HECA: variants seen among roughly 807,000 people sequenced by gnomAD.
HECA encodes the protein HECA ribonucleoprotein granule regulator, also known as headcase protein homolog.
In HECA, 13 loss-of-function variants were observed where a neutral mutation model predicts 37.6. The observed-to-expected ratio is 0.35, with a 90% CI of 0.23 to 0.55. The LOEUF (loss-of-function observed/expected upper bound fraction) is 0.55. Among genes scored for constraint, HECA ranks in the 20% least tolerant of loss-of-function variants. The probability of loss-of-function intolerance (pLI) is 0.90; values close to 1 mark genes in which losing one functional copy is unlikely to be tolerated. For synonymous variants in HECA, 307 were observed against 291.5 expected (o/e 1.05, Z -0.54); for missense variants, 527 against 701.9 (o/e 0.75, Z 2.82).
chr6:139,168,580 T>C lies in HECA; in HGVS notation c.1312+1256T>C, dbSNP rs148231476. Among the ~76,000 whole-genome samples the C allele has an allele frequency of 4.1e-4, 63 of 152,214 alleles. 1 individual carries two copies. Among genetic ancestry groups the C allele is most frequent in the African/African-American group, 1.3e-3 (54 of 41,532 alleles). On this transcript the variant is annotated intron_variant, in intron 2 of 3. Transcript: ENST00000367658. ...CTCGTGGAGACTCTTACCCTCCTGC[T>C]TCTACCTGTCCTGGTGCACTCAGGA... is the stretch of plus-strand genomic sequence containing the variant.
chr6:139,176,847 C>A lies in HECA; in HGVS notation c.1468-94C>A. On this transcript the variant is annotated intron_variant, in intron 3 of 3. Coordinates refer to ENST00000367658, the MANE Select transcript of HECA (RefSeq NM_016217.3). This position sits in a 1 kb window ranked among gnomAD's most constrained non-coding sequence, Gnocchi z 4.5. ...TAGTAAAAGGGATGCTTTGCAAAGC[C>A]CTTGATCAGTTTCCCAGCATTTTGG... 1.3e-6 allele frequency: 1 copy of A among 742,276 alleles called. No individual in the cohort carries two copies. The highest frequency in any genetic ancestry group is 1.7e-5 in the South Asian group (1 of 60,096). The allele number at this position is 742,276 out of a possible 1,614,324, so 46.0% of individuals were successfully genotyped here.
At chr6:139,166,049 T>C in intron 1 of HECA, 1 of 444,372 alleles carries the variant, frequency 2.3e-6, no homozygotes. Context: ...AACCTAAAGC[T>C]CAGGATGAAG....
At chr6:139,158,558 T>C (rs1774749106) in intron 1 of HECA, among the ~76,000 whole-genome samples, 1 of 150,584 alleles carries the variant, frequency 6.6e-6, no homozygotes, top group South Asian at 2.1e-4. Context: ...TCCCAGCACC[T>C]GTAGTCCCAT....
rs1225061763 is a variant in HECA, at chr6:139,135,439, C to T, written c.43C>T (p.Arg15Cys). 7.3e-7 allele frequency: 1 copy of T among 1,376,808 alleles called. No homozygotes were observed. The highest frequency in any genetic ancestry group is 9.6e-7 in the Non-Finnish European group (1 of 1,043,712). The allele number at this position is 1,376,808 out of a possible 1,614,324, so 85.3% of individuals were successfully genotyped here. A position where few individuals can be genotyped will look rare whatever the true frequency, so the allele number is the denominator to read the frequency against. Residue 15 changes from arginine to cysteine, a missense_variant, in exon 1 of 4, where the codon CGC (arginine) becomes TGC (cysteine). This residue lies in a region of HECA where 172 missense variants were observed against 197.6 expected (regional missense o/e 0.87). Transcript: ENST00000367658. Reference protein sequence around the residue: ...KNSKGGRKNKRANSSGDEQEN... With the variant: ...KNSKGGRKNKCANSSGDEQEN... ...CAGCAAAGGCGGCCGCAAAAACAAG[C>T]GCGCCAACAGCAGCGGCGACGAGCA...
At chr6:139,142,655 T>C (rs1264720047) in intron 1 of HECA, among the ~76,000 whole-genome samples, 1 of 152,080 alleles carries the variant, frequency 6.6e-6, no homozygotes, top group Non-Finnish European at 1.5e-5. Context: ...TTTTAAAAAG[T>C]AGTAATGGTG....
intron 1 of HECA, chr6:139,155,713 G>C (rs998678747): frequency 6.6e-5 from 10 of 152,234 alleles, no homozygotes; most frequent in Admixed American, 2.0e-4. Flanking sequence ...TTTCGTGCTA[G>C]GATGCTGTGT....
Position 139,174,512 on chromosome 6 carries a change from C to T in HECA, c.1440C>T (p.Asp480=), listed in dbSNP as rs1258440943. Residue 480 remains aspartate (D), a synonymous_variant, in exon 3 of 4, where the codon GAC becomes GAT. Coordinates refer to ENST00000367658, the MANE Select transcript of HECA (RefSeq NM_016217.3). The stretch of plus-strand genomic sequence containing the variant: ...AGCTGGGCACTATGTACACCTACGA[C>T]ATCCTGGCTGCCTCTCCATGTTGTC... ...WHQLGTMYTY[D]ILAASPCCQA... 1.9e-6 allele frequency: 3 copies of T among 1,614,070 alleles called. No homozygotes were observed. The East Asian group carries it at 6.7e-5, about 36-fold the overall frequency.
intron 1 of HECA, among the ~76,000 whole-genome samples, chr6:139,144,868 T>A (rs1329415242): frequency 6.6e-6 from 1 of 152,126 alleles, no homozygotes; most frequent in Non-Finnish European, 1.5e-5. Flanking sequence ...GGAAAGCCTA[T>A]CTTAATTGTG....
At chr6:139,145,759 AAC>A (rs1774577384) in intron 1 of HECA, among the ~76,000 whole-genome samples, 1 of 152,158 alleles carries the variant, frequency 6.6e-6, no homozygotes, top group South Asian at 2.1e-4. Flanking sequence ...CTTATGGGAA[AAC>A]AAAGGACTTT....
At chr6:139,145,186 A>G (rs1302025998) in intron 1 of HECA, among the ~76,000 whole-genome samples, 6 of 152,238 alleles carry the variant, frequency 3.9e-5, no homozygotes, top group East Asian at 3.8e-4. Flanking sequence ...TTAATTTTGT[A>G]TATTTCAGAA....
At chr6:139,158,259 T>C (rs1774744665) in intron 1 of HECA, among the ~76,000 whole-genome samples, 1 of 151,654 alleles carries the variant, frequency 6.6e-6, no homozygotes, top group African/African-American at 2.4e-5. Context: ...TCCCAGCACT[T>C]TGGGAGGCCG....
intron 2 of HECA, among the ~76,000 whole-genome samples, chr6:139,173,663 T>C (rs6938506): frequency 0.55 from 83,674 of 152,008 alleles, 24,005 homozygotes; most frequent in Non-Finnish European, 0.59. Context: ...TCTGACTCTT[T>C]CCTAATTATT....
Position 139,177,162 on chromosome 6 carries a change from C to A in HECA, c.*57C>A, listed in dbSNP as rs1255201255. On this transcript the variant is annotated 3_prime_UTR_variant, in exon 4 of 4. Transcript: ENST00000367658. This position sits in a 1 kb window ranked among gnomAD's most constrained non-coding sequence, Gnocchi z 4.9. Reference sequence around the variant, plus strand: ...TTGATATTATTACTTTATTACATATCTTTTATAGGGAAACATTCTGTGACA... The same window carrying A: ...TTGATATTATTACTTTATTACATATATTTTATAGGGAAACATTCTGTGACA... 1 of 714,394 alleles carries A rather than the reference C, an allele frequency of 1.4e-6. No individual in the cohort carries two copies. Among genetic ancestry groups the A allele is most frequent in the African/African-American group, 1.8e-5 (1 of 56,462 alleles). The allele number at this position is 714,394 out of a possible 1,614,324, so 44.3% of individuals were successfully genotyped here. A position where few individuals can be genotyped will look rare whatever the true frequency, so the allele number is the denominator to read the frequency against.
At chr6:139,170,282 C>G (rs540143287) in intron 2 of HECA, 3 of 152,172 alleles carry the variant, frequency 2.0e-5, no homozygotes, top group Non-Finnish European at 4.4e-5. Flanking sequence ...ATCAAACTTA[C>G]GGATATCACA....
intron 2 of HECA, chr6:139,170,514 G>A (rs1268668645): frequency 6.6e-6 from 1 of 152,212 alleles, no homozygotes; most frequent in Non-Finnish European, 1.5e-5. Flanking sequence ...CTGGATCTTG[G>A]TAAGCAGAGG....
chr6:139,157,705 G>A (rs1234018784), intron 1 of HECA, among the ~76,000 whole-genome samples: 1 of 152,222 alleles, frequency 6.6e-6, no homozygotes, highest in Non-Finnish European at 1.5e-5. Context: ...TGGCCCAAGA[G>A]TAATATAGAG....
chr6:139,161,897 GC>G (rs1234806658), intron 1 of HECA, among the ~76,000 whole-genome samples: 1 of 152,224 alleles, frequency 6.6e-6, no homozygotes, highest in African/African-American at 2.4e-5. Flanking sequence ...AAAGGTCACA[GC>G]CCAGGTGACT....
chr6:139,141,300 A>G (rs1229059610), intron 1 of HECA, among the ~76,000 whole-genome samples: 1 of 152,216 alleles, frequency 6.6e-6, no homozygotes, highest in Non-Finnish European at 1.5e-5. Context: ...TTTTAAAAGT[A>G]CATATATAGT....
chr6:139,167,008 C>T lies in HECA; in HGVS notation c.996C>T (p.His332=). 1 of 1,614,188 alleles carries T rather than the reference C, an allele frequency of 6.2e-7. No homozygotes were observed. Among genetic ancestry groups the T allele is most frequent in the Non-Finnish European group, 8.5e-7 (1 of 1,180,038 alleles). Residue 332 remains histidine (H), a synonymous_variant, in exon 2 of 4, where the codon CAC becomes CAT. Coordinates refer to ENST00000367658, the MANE Select transcript of HECA (RefSeq NM_016217.3). ...FDYSPAGLAV[H]RGGHFDTPVQ... is the part of the protein sequence containing the mutation. ...ACAGCCCTGCGGGGTTGGCAGTTCA[C>T]AGGGGGGGACACTTCGACACCCCCG...
Sources: allele counts gnomAD v4.1 joint callset (sites outside exome capture counted in the v4.1 genomes callset), GRCh38; gene constraint gnomAD v4.1.1; regional missense constraint gnomAD v4.1.1; non-coding constraint Gnocchi (gnomAD v3.1); transcripts MANE v1.5; gene names NCBI Gene and HGNC (gene_info 2026-07-23, HGNC 2026-07-21).